Variants in MTMR9 observed in about 807,000 individuals in gnomAD.
The protein encoded by MTMR9 is myotubularin-related protein 9.
Under a neutral mutation model 69.5 loss-of-function variants are expected in MTMR9, and 39 were observed. The observed-to-expected ratio is 0.56, with a 90% confidence interval of 0.43 to 0.73. The LOEUF (loss-of-function observed/expected upper bound fraction) is 0.73, where lower values mean the gene tolerates loss of function less well. Among genes scored for constraint, MTMR9 ranks in the 30% least tolerant of loss-of-function variants. MTMR9 has a pLI of 0.00. For missense variants in MTMR9, 900 were observed against 671.2 expected, an observed-to-expected ratio of 1.34 and a Z score of -3.77; for synonymous variants, 354 against 240.8, an observed-to-expected ratio of 1.47 and a Z score of -4.35.
At chr8:11,307,605 G>T (rs1376564371) in intron 5 of MTMR9, among the ~76,000 whole-genome samples, 1 of 152,156 alleles carries the variant, frequency 6.6e-6, no homozygotes, top group African/African-American at 2.4e-5. Context: ...CATCTTTAAT[G>T]TTTTGAGGAG....
intron 8 of MTMR9, chr8:11,319,010 A>G (rs1264337581): frequency 1.3e-5 from 2 of 152,166 alleles, no homozygotes; most frequent in Admixed American, 6.6e-5. Context: ...TGATGGGTGC[A>G]CCAGAATCTC....
At chr8:11,308,681 A>G (rs1800064720) in intron 5 of MTMR9, among the ~76,000 whole-genome samples, 1 of 152,192 alleles carries the variant, frequency 6.6e-6, no homozygotes, top group Non-Finnish European at 1.5e-5. Context: ...TTTCTGTGAT[A>G]TCAGTTGTAA....
chr8:11,331,510 A>T, downstream of MTMR9: 1 of 1,613,304 alleles, frequency 6.2e-7, no homozygotes. Context: ...ACTGTTCGCA[A>T]AGGTTCTTCC....
At chr8:11,331,969 C>T (rs775191323), downstream of MTMR9, 2 of 1,612,016 alleles carry the variant, frequency 1.2e-6, no homozygotes, top group Admixed American at 1.7e-5. Flanking sequence ...GTCCTGCATT[C>T]CGAGGTGGTT....
intron 3 of MTMR9, 152 bp from the exon 4 acceptor site, chr8:11,304,689 A>G (rs1213602197): frequency 5.6e-6 from 4 of 710,950 alleles, no homozygotes; most frequent in African/African-American, 3.6e-5. Context: ...CTCTGCAGCT[A>G]CTTACATATA....
In MTMR9 at chr8:11,318,632, A is replaced by G. The variant is rs138559453; in HGVS notation, c.1335-1055A>G. 622 of 152,268 alleles carry G rather than the reference A, an allele frequency of 4.1e-3. 5 individuals carry two copies. Among genetic ancestry groups the G allele is most frequent in the African/African-American group, 0.013 (558 of 41,558 alleles). The allele number at this position is 152,268 out of a possible 1,614,324, so 9.4% of individuals were successfully genotyped here. A position where few individuals can be genotyped will look rare whatever the true frequency, so the allele number is the denominator to read the frequency against. On this transcript the variant is annotated intron_variant, in intron 8 of 9. Transcript: ENST00000221086. ...TCTGTGTTAAAATGTATTTTTTTCTAAAACATGCCGATCGACTGTTATCCT... is the reference window on the plus strand; with the variant it reads ...TCTGTGTTAAAATGTATTTTTTTCTGAAACATGCCGATCGACTGTTATCCT...
intron 1 of MTMR9, among the ~76,000 whole-genome samples, chr8:11,292,802 C>G (rs962945825): frequency 2.6e-5 from 4 of 152,164 alleles, no homozygotes; most frequent in Non-Finnish European, 5.9e-5. Context: ...TGAAAAGTTT[C>G]TCTTGCCCAG....
rs969548745 is a variant in MTMR9 at position 11,298,728 on chromosome 8, C to CG, written c.292-1295_292-1294insG. ...TATCCTTTCCCCGCTGCACCCCCCCCCCGCCATCCAGTATAGAAATACTTT... is the reference window on the plus strand; with the variant it reads ...TATCCTTTCCCCGCTGCACCCCCCCCGCCGCCATCCAGTATAGAAATACTTT... On this transcript the variant is annotated intron_variant, in intron 2 of 9. Coordinates refer to ENST00000221086, the MANE Select transcript of MTMR9 (RefSeq NM_015458.4). The CG allele has an allele frequency of 2.8e-5, 26 of 924,768 alleles. No individual in the cohort carries two copies. The African/African-American group carries it at 2.9e-4, about 10-fold the overall frequency. 57.3% of individuals were successfully genotyped at this position (924,768 alleles called of 1,614,324 possible).
At chr8:11,295,859 G>C (rs114270370) in intron 2 of MTMR9, among the ~76,000 whole-genome samples, 1,555 of 152,236 alleles carry the variant, frequency 0.01, 29 homozygotes, top group African/African-American at 0.035. Context: ...GGTAGGGACT[G>C]GGGGGACCTA....
chr8:11,293,711 C>T (rs1478138728), intron 1 of MTMR9, among the ~76,000 whole-genome samples: 1 of 150,798 alleles, frequency 6.6e-6, no homozygotes, highest in Non-Finnish European at 1.5e-5. Context: ...GTAAAAGGTC[C>T]CATTTTGAGT....
chr8:11,298,652 A>G, intron 2 of MTMR9: 1 of 634,190 alleles, frequency 1.6e-6, no homozygotes, highest in Non-Finnish European at 2.0e-6. Context: ...CCTCCTGTCC[A>G]GGTGAATGTC....
chr8:11,331,826 G>A (rs1801244443), downstream of MTMR9: 1 of 1,611,942 alleles, frequency 6.2e-7, no homozygotes, highest in East Asian at 2.2e-5. Flanking sequence ...GCCTCTTTGT[G>A]CTGCAGACCC....
At chr8:11,309,771 T>A (rs1446969791) in intron 6 of MTMR9, 83 bp downstream of exon 6, 1 of 1,470,850 alleles carries the variant, frequency 6.8e-7, no homozygotes. Context: ...GTTTATAGAT[T>A]ATGTGAAAGT....
rs1585145522 is a variant in MTMR9 at position 11,327,995 on chromosome 8, A to G, written c.*5207A>G. ...CAAGCTTGGTTTACTGAATCAAGAA[A>G]GAGTCTTGTCGAATGTGGTACTGTT... On this transcript the variant is annotated 3_prime_UTR_variant, in exon 10 of 10. Coordinates refer to ENST00000221086, the MANE Select transcript of MTMR9 (RefSeq NM_015458.4). 6.6e-6 allele frequency: 1 copy of G among 152,220 alleles called. No homozygotes were observed. Among genetic ancestry groups the G allele is most frequent in the African/African-American group, 2.4e-5 (1 of 41,454 alleles). The allele number at this position is 152,220 out of a possible 1,614,324, so 9.4% of individuals were successfully genotyped here. A position where few individuals can be genotyped will look rare whatever the true frequency, so the allele number is the denominator to read the frequency against.
At chr8:11,285,290 C>T (rs916270931) in intron 1 of MTMR9, 9 of 496,594 alleles carry the variant, frequency 1.8e-5, no homozygotes, top group Middle Eastern at 1.0e-3. Context: ...TATCGTGTGG[C>T]TGGTACCATC....
downstream of MTMR9, chr8:11,331,611 C>T: frequency 6.2e-7 from 1 of 1,613,420 alleles, no homozygotes; most frequent in African/African-American, 1.3e-5. Context: ...CATCCTAGGA[C>T]TAATCATCAT....
chr8:11,295,979 A>C (rs1052476440), intron 2 of MTMR9, among the ~76,000 whole-genome samples: 56 of 152,214 alleles, frequency 3.7e-4, no homozygotes, highest in African/African-American at 1.3e-3. Flanking sequence ...CTACCAGGTT[A>C]GCAGCTAGAA....
intron 1 of MTMR9, among the ~76,000 whole-genome samples, chr8:11,287,121 C>T (rs1267712642): frequency 1.3e-5 from 2 of 152,170 alleles, no homozygotes; most frequent in African/African-American, 2.4e-5. Context: ...TTCACAAATT[C>T]TTCTGTTAAT....
intron 2 of MTMR9, chr8:11,298,608 T>C: frequency 3.6e-6 from 1 of 279,628 alleles, no homozygotes; most frequent in Non-Finnish European, 5.4e-6. Flanking sequence ...TGGAGGGAGA[T>C]AAGTGCATTC....
Sources: gnomAD v4.1 joint callset for allele counts (sites outside exome capture counted in the v4.1 genomes callset) on GRCh38, gnomAD v4.1.1 for gene constraint, MANE v1.5 for transcripts, NCBI Gene and HGNC (gene_info 2026-07-23, HGNC 2026-07-21) for gene names.